CLEC16A: variants seen among roughly 807,000 people sequenced by gnomAD.
CLEC16A encodes C-type lectin domain containing 16A, also known as protein CLEC16A.
Under a neutral mutation model 109.5 loss-of-function variants are expected in CLEC16A, and 51 were observed. That is an observed-to-expected ratio of 0.47 (90% CI 0.37 to 0.59). CLEC16A has a LOEUF of 0.59. CLEC16A is among the 20% of genes least tolerant of loss of function. The pLI is 0.00. For missense variants in CLEC16A, 1,339 were observed against 1,394.0 expected (o/e 0.96, Z 0.63); for synonymous variants, 673 against 564.2 (o/e 1.19, Z -2.73).
chr16:11,075,436 G>A (rs1268314676), intron 19 of CLEC16A, among the ~76,000 whole-genome samples: 1 of 150,928 alleles, frequency 6.6e-6, no homozygotes, highest in African/African-American at 2.4e-5. Context: ...GTATGTGTGT[G>A]TGTGTGTGTG....
In CLEC16A at chr16:11,120,716, G is replaced by T; in HGVS notation, c.2218G>T (p.Asp740Tyr). The T allele has an allele frequency of 1.2e-6, 2 of 1,604,270 alleles. No individual in the cohort carries two copies. Among genetic ancestry groups the T allele is most frequent in the Non-Finnish European group, 1.7e-6 (2 of 1,175,294 alleles). ...DIYQMSLVEP[D>Y]VSRLGWGVVK... ...TTACCAGATGAGTTTGGTGGAGCCT[G>T]ATGTGTCCAGGCTTGGCTGGGGAGT... The change falls in exon 20 of 24, where the codon GAT (aspartate) becomes TAT (tyrosine). Residue 740 changes from aspartate to tyrosine, a missense_variant. By Grantham distance (160) the Asp-to-Tyr change is radical. This residue lies in a region of CLEC16A where 1,061 missense variants were observed against 1,006.8 expected (regional missense o/e 1.05). Coordinates refer to ENST00000409790, the MANE Select transcript of CLEC16A (RefSeq NM_015226.3).
intron 19 of CLEC16A, among the ~76,000 whole-genome samples, chr16:11,069,177 A>T (rs898160277): frequency 6.6e-6 from 1 of 151,878 alleles, no homozygotes; most frequent in Non-Finnish European, 1.5e-5. Context: ...GCCCAGGATG[A>T]AGTACAGTGG....
intron 5 of CLEC16A, 116 bp from the exon 6 acceptor site, chr16:10,972,438 C>T: frequency 1.2e-6 from 1 of 864,032 alleles, no homozygotes; most frequent in Non-Finnish European, 1.9e-6. Context: ...AGATGCCTCC[C>T]ACCCTAGTCT....
intron 19 of CLEC16A, among the ~76,000 whole-genome samples, chr16:11,075,378 CTGTGTGTGTGTGTGTG>C (rs373865850): frequency 5.9e-5 from 8 of 134,698 alleles, no homozygotes; most frequent in East Asian, 2.2e-4. Flanking sequence ...TTGGATATGT[CTGTGTGTGTGTGTGTG>C]TGTGTGTGTG....
intron 3 of CLEC16A, among the ~76,000 whole-genome samples, chr16:10,965,942 G>C (rs1005968126): frequency 1.3e-5 from 2 of 152,182 alleles, no homozygotes; most frequent in Non-Finnish European, 2.9e-5. Flanking sequence ...GAAGCTCCCA[G>C]TATGGTGTCT....
chr16:11,084,643 G>A (rs1567295610), intron 19 of CLEC16A, among the ~76,000 whole-genome samples: 3 of 152,160 alleles, frequency 2.0e-5, no homozygotes, highest in Admixed American at 1.3e-4. Flanking sequence ...GACTTAATTC[G>A]CAGGCCCAGC....
chr16:11,136,923 G>C (rs2053594456), intron 22 of CLEC16A, among the ~76,000 whole-genome samples: 1 of 152,222 alleles, frequency 6.6e-6, no homozygotes, highest in Non-Finnish European at 1.5e-5. Flanking sequence ...AGTGTTACCA[G>C]CTCACAAGTG....
intron 11 of CLEC16A, among the ~76,000 whole-genome samples, chr16:11,018,748 C>CACAAAAAAAA (rs2045917687): frequency 1.0e-5 from 1 of 96,280 alleles, no homozygotes; most frequent in African/African-American, 4.4e-5. Flanking sequence ...GACTCCATCT[C>CACAAAAAAAA]AAAAAAAAAA....
rs1596816722 is a variant in CLEC16A, at chr16:10,972,630, G to A, written c.604+71G>A. The A allele has an allele frequency of 5.7e-6, 8 of 1,392,098 alleles. No individual in the cohort carries two copies. In the East Asian group the frequency reaches 1.2e-4, roughly 20 times the overall value. The allele number at this position is 1,392,098 out of a possible 1,614,324, so 86.2% of individuals were successfully genotyped here. On this transcript the variant is annotated intron_variant, in intron 6 of 23. Transcript: ENST00000409790. ...TATGTAAATACCTTGCTTGAGAATG[G>A]TGTAATTCTCAGTGTAGTCTAGCTC...
chr16:10,983,806 C>T (rs1428048177), intron 10 of CLEC16A, among the ~76,000 whole-genome samples: 2 of 152,066 alleles, frequency 1.3e-5, no homozygotes, highest in Non-Finnish European at 2.9e-5. Flanking sequence ...GCGCCTTTAC[C>T]GTACCTACAG....
intron 10 of CLEC16A, among the ~76,000 whole-genome samples, chr16:10,987,522 G>A (rs189827102): frequency 3.3e-4 from 50 of 152,286 alleles, no homozygotes; most frequent in Middle Eastern, 3.4e-3. Flanking sequence ...AGCCAGTTGT[G>A]GTGGACACCT....
chr16:10,949,283 A>G (rs1345269435), intron 1 of CLEC16A, among the ~76,000 whole-genome samples: 1 of 152,126 alleles, frequency 6.6e-6, no homozygotes, highest in Non-Finnish European at 1.5e-5. Flanking sequence ...ACCATGCCAC[A>G]TATTATGGGT....
At chr16:11,157,319 C>A in intron 22 of CLEC16A, 1 of 961,150 alleles carries the variant, frequency 1.0e-6, no homozygotes, top group Non-Finnish European at 1.3e-6. Context: ...CATCCCTTCC[C>A]CAGGTGCCTG....
chr16:10,974,006 C>T (rs1261680149), intron 7 of CLEC16A, among the ~76,000 whole-genome samples: 1 of 134,664 alleles, frequency 7.4e-6, no homozygotes, highest in East Asian at 2.3e-4. Flanking sequence ...TCAAGTGATT[C>T]TTCTGCCTCA....
chr16:11,120,913 A>T, intron 20 of CLEC16A, 147 bp downstream of exon 20: 1 of 845,840 alleles, frequency 1.2e-6, no homozygotes. Flanking sequence ...ATTGTCACCC[A>T]AAAAAAAGCT....
intron 19 of CLEC16A, among the ~76,000 whole-genome samples, chr16:11,085,066 C>G (rs922431524): frequency 2.6e-5 from 4 of 152,168 alleles, no homozygotes; most frequent in Admixed American, 1.3e-4. Flanking sequence ...GGGAAGGGAG[C>G]CAGCACCAGA....
intron 19 of CLEC16A, among the ~76,000 whole-genome samples, chr16:11,067,189 G>GTTTTT (rs71406205): frequency 6.1e-5 from 6 of 98,964 alleles, no homozygotes; most frequent in African/African-American, 1.6e-4. Flanking sequence ...GTTTGTTTTT[G>GTTTTT]TTTTTTTTTT....
In CLEC16A at chr16:10,961,102, A is replaced by G. The variant is rs950638578; in HGVS notation, c.210-1353A>G. Among the ~76,000 whole-genome samples, 2 of 152,164 alleles carry G rather than the reference A, an allele frequency of 1.3e-5. No homozygotes were observed. The highest frequency in any genetic ancestry group is 2.4e-5 in the African/African-American group (1 of 41,416). Reference sequence around the variant, plus strand: ...GTACAGGCATTTTAACAAGTTCCCAAGTTGGTCACAGTGCGGCAGTGAGTT... The same window carrying G: ...GTACAGGCATTTTAACAAGTTCCCAGGTTGGTCACAGTGCGGCAGTGAGTT... On this transcript the variant is annotated intron_variant, in intron 2 of 23. Transcript: ENST00000409790. This position sits in a 1 kb window ranked among gnomAD's most constrained non-coding sequence, Gnocchi z 4.3.
intron 5 of CLEC16A, chr16:10,971,525 A>G (rs1305738414): frequency 2.0e-6 from 2 of 983,244 alleles, no homozygotes; most frequent in African/African-American, 3.5e-5. Flanking sequence ...TTGAGAAAGC[A>G]AAGTTGTCTT....
Sources: gnomAD v4.1 joint callset for allele counts (sites outside exome capture counted in the v4.1 genomes callset) on GRCh38, gnomAD v4.1.1 for gene constraint, gnomAD v4.1.1 regional missense constraint, Gnocchi (gnomAD v3.1) non-coding constraint, MANE v1.5 for transcripts, NCBI Gene and HGNC (gene_info 2026-07-23, HGNC 2026-07-21) for gene names.